The following DPYD variants were observed in gnomAD, a reference collection of about 807,000 sequenced individuals.
DPYD encodes dihydropyrimidine dehydrogenase [NADP(+)].
DPYD carries 109 observed loss-of-function variants against 116.2 expected under a neutral mutation model. That is an observed-to-expected ratio of 0.94 (90% CI 0.80 to 1.10). The LOEUF (loss-of-function observed/expected upper bound fraction) is 1.10, where lower values mean the gene tolerates loss of function less well. Ranked by LOEUF, DPYD falls within the 50% of genes least tolerant of loss-of-function variation. DPYD has a pLI of 0.00. For synonymous variants in DPYD, 440 were observed against 432.0 expected (o/e 1.02, Z -0.23); for missense variants, 1,302 against 1,254.5 (o/e 1.04, Z -0.57).
chr1:97,591,957 G>A (rs1654550991), intron 10 of DPYD, among the ~76,000 whole-genome samples: 1 of 151,180 alleles, frequency 6.6e-6, no homozygotes, highest in African/African-American at 2.4e-5. Context: ...AGTCTAAAAA[G>A]GGTAGATTGG....
intron 18 of DPYD, among the ~76,000 whole-genome samples, chr1:97,275,479 C>T (rs1225854201): frequency 1.3e-5 from 2 of 152,118 alleles, no homozygotes; most frequent in Non-Finnish European, 2.9e-5. Context: ...GGTCTATTTG[C>T]CTTTGGGCAG....
intron 7 of DPYD, among the ~76,000 whole-genome samples, chr1:97,680,426 T>C (rs763782140): frequency 1.3e-5 from 2 of 152,076 alleles, no homozygotes; most frequent in Non-Finnish European, 2.9e-5. Flanking sequence ...TAAAGAGTAG[T>C]CCTGATTGCA....
chr1:97,197,221 G>T (rs1658876974), intron 19 of DPYD, among the ~76,000 whole-genome samples: 1 of 152,094 alleles, frequency 6.6e-6, no homozygotes, highest in Admixed American at 6.5e-5. Context: ...CTTAGAGTTG[G>T]TGGTGTTTTT....
At chr1:97,852,166 T>G (rs886599909) in intron 2 of DPYD, among the ~76,000 whole-genome samples, 17 of 152,088 alleles carry the variant, frequency 1.1e-4, no homozygotes, top group Admixed American at 1.0e-3. Context: ...TTACCTAGAT[T>G]TAAAAAATCA....
chr1:97,642,832 G>A (rs1658012789), intron 8 of DPYD, among the ~76,000 whole-genome samples: 1 of 151,138 alleles, frequency 6.6e-6, no homozygotes, highest in Non-Finnish European at 1.5e-5. Context: ...GTATACATAT[G>A]TAACTAACCT....
chr1:97,367,760 T>C lies in DPYD; in HGVS notation c.2058+5801A>G, dbSNP rs148025946. Among the ~76,000 whole-genome samples, 991 of 152,234 alleles carry C rather than the reference T, an allele frequency of 6.5e-3. 13 individuals carry two copies. The highest frequency in any genetic ancestry group is 0.022 in the African/African-American group (933 of 41,558). The stretch of plus-strand genomic sequence containing the variant: ...ATAGTTGTTCACTCTTTAGCAATCA[T>C]ACCTACAATGAAGGCACTCAAACCA... On this transcript the variant is annotated intron_variant, in intron 16 of 22. Coordinates refer to ENST00000370192, the MANE Select transcript of DPYD (RefSeq NM_000110.4).
chr1:97,620,789 T>C (rs1482617309), intron 8 of DPYD, among the ~76,000 whole-genome samples: 3 of 152,158 alleles, frequency 2.0e-5, no homozygotes, highest in African/African-American at 4.8e-5. Flanking sequence ...CCCTATCTAA[T>C]CATTCTTTTA....
intron 20 of DPYD, among the ~76,000 whole-genome samples, chr1:97,144,030 CATCACCATGAAACAAAT>C (rs1281327232): frequency 4.6e-5 from 7 of 152,142 alleles, no homozygotes; most frequent in Non-Finnish European, 2.9e-5. Context: ...CCCTGCTATG[CATCACCATGAAACAAAT>C]ATCAAATAAA....
intron 3 of DPYD, among the ~76,000 whole-genome samples, chr1:97,766,239 CT>C (rs1464358406): frequency 1.3e-5 from 2 of 151,500 alleles, no homozygotes; most frequent in Non-Finnish European, 2.9e-5. Flanking sequence ...GAAACTCAGT[CT>C]CAAAAAAAAT....
At chr1:97,106,825 T>C (rs1651194335) in intron 20 of DPYD, among the ~76,000 whole-genome samples, 1 of 152,168 alleles carries the variant, frequency 6.6e-6, no homozygotes, top group Admixed American at 6.5e-5. Context: ...CCCTTTTACA[T>C]ACCTATATAT....
intron 4 of DPYD, among the ~76,000 whole-genome samples, chr1:97,729,945 GT>G (rs1320000079): frequency 2.0e-5 from 3 of 152,084 alleles, no homozygotes; most frequent in Non-Finnish European, 2.9e-5. Context: ...ACTTTCATCT[GT>G]ATCAAAACCC....
chr1:97,275,487 C>A (rs1014876479), intron 18 of DPYD, among the ~76,000 whole-genome samples: 2 of 152,158 alleles, frequency 1.3e-5, no homozygotes, highest in Admixed American at 6.5e-5. Flanking sequence ...TGCCTTTGGG[C>A]AGATCTGTTC....
At chr1:97,212,124 T>A (rs1236515933) in intron 19 of DPYD, among the ~76,000 whole-genome samples, 1 of 152,114 alleles carries the variant, frequency 6.6e-6, no homozygotes, top group Non-Finnish European at 1.5e-5. Context: ...GGCAATGATA[T>A]TTTTGTAAAT....
intron 1 of DPYD, among the ~76,000 whole-genome samples, chr1:97,901,265 T>C (rs1414480405): frequency 1.3e-5 from 2 of 152,006 alleles, no homozygotes; most frequent in East Asian, 3.9e-4. Context: ...TATGGGCAGC[T>C]AATATTAGTT....
intron 19 of DPYD, among the ~76,000 whole-genome samples, chr1:97,219,711 G>T (rs1239886370): frequency 1.3e-5 from 2 of 152,174 alleles, no homozygotes; most frequent in African/African-American, 4.8e-5. Context: ...AAGTAGAAAA[G>T]GCCTACTGAG....
rs544010914 is a variant in DPYD, at chr1:97,767,097, G to A, written c.234-26618C>T. On this transcript the variant is annotated intron_variant, in intron 3 of 22. Transcript: ENST00000370192. ...TCAGAATTACTACTGATCGGTGATT[G>A]CTAGGTAGCTCCTGTTTTTCCCCTT... 3.6e-4 allele frequency among the ~76,000 whole-genome samples: 55 copies of A among 152,262 alleles called. 1 individual carries two copies. The South Asian group carries it at 7.9e-3, about 22-fold the overall frequency.
chr1:97,577,843 T>C lies in DPYD; in HGVS notation c.1129-3873A>G, dbSNP rs551133495. On this transcript the variant is annotated intron_variant, in intron 10 of 22. Transcript: ENST00000370192. ...TATTTTTTATTTTATTTTAATTAAT[T>C]AATTAATTAATTTGAGACGGAGTTT... Among the ~76,000 whole-genome samples the C allele has an allele frequency of 3.2e-4, 49 of 152,150 alleles. 1 individual carries two copies. The South Asian group carries it at 1.0e-2, about 31-fold the overall frequency.
chr1:97,215,601 T>A (rs1660325363), intron 19 of DPYD, among the ~76,000 whole-genome samples: 1 of 152,138 alleles, frequency 6.6e-6, no homozygotes, highest in Non-Finnish European at 1.5e-5. Context: ...TCTCATACCT[T>A]TCCTTGTAGT....
intron 10 of DPYD, among the ~76,000 whole-genome samples, chr1:97,576,582 T>C (rs924242931): frequency 6.6e-6 from 1 of 152,242 alleles, no homozygotes; most frequent in Non-Finnish European, 1.5e-5. Flanking sequence ...AGATTATTAA[T>C]CACTGAATGC....
Sources: allele counts gnomAD v4.1 joint callset (sites outside exome capture counted in the v4.1 genomes callset), GRCh38; gene constraint gnomAD v4.1.1; transcripts MANE v1.5; gene names NCBI Gene and HGNC (gene_info 2026-07-23, HGNC 2026-07-21).